FRMD1: variants seen among roughly 807,000 people sequenced by gnomAD.
FRMD1 encodes FERM domain-containing protein 1.
A neutral mutation model predicts 54.9 loss-of-function variants in FRMD1; 51 were observed. The observed-to-expected ratio is 0.93, with a 90% confidence interval of 0.74 to 1.17. FRMD1 has a LOEUF of 1.17. FRMD1 is among the 50% of genes most tolerant of loss of function. The pLI is 0.00. For missense variants in FRMD1, 729 were observed against 743.0 expected (o/e 0.98, Z 0.22); for synonymous variants, 324 against 306.4 (o/e 1.06, Z -0.60).
intron 8 of FRMD1, 46 bp from the exon 9 acceptor site, chr6:168,061,103 A>C (rs1799707576): frequency 6.4e-7 from 1 of 1,559,466 alleles, no homozygotes; most frequent in African/African-American, 1.4e-5. Context: ...GAGAGGGACC[A>C]GCCCTGCTGA....
Position 168,057,121 on chromosome 6 carries a change from A to G in FRMD1, c.1626T>C (p.Ala542=), listed in dbSNP as rs3734898. The change falls in exon 11 of 11, where the codon GCT becomes GCC. Residue 542 remains alanine, a synonymous_variant. Coordinates refer to ENST00000283309, the MANE Select transcript of FRMD1 (RefSeq NM_024919.6). ...CCTACACCACAAACTCCTGTGGTGG[A>G]GCCTCTCCGAACAGGTCCAGGGCGA... ...NCLALDLFGE[A]PPQEFVV is the part of the protein sequence containing the mutation. 1,337,609 of 1,494,010 alleles carry G rather than the reference A, an allele frequency of 0.9. 599,501 individuals are homozygous for G. The highest frequency in any genetic ancestry group is 0.91 in the Non-Finnish European group (1,015,051 of 1,117,906). 92.5% of individuals were successfully genotyped at this position (1,494,010 alleles called of 1,614,324 possible). A position where few individuals can be genotyped will look rare whatever the true frequency, so the allele number is the denominator to read the frequency against.
At position 168,057,130 on chromosome 6, in the gene FRMD1, G is replaced by A. The variant is rs1288714841; in HGVS notation, c.1617C>T (p.Phe539=). 8 of 1,515,872 alleles carry A rather than the reference G, an allele frequency of 5.3e-6. No homozygotes were observed. Among genetic ancestry groups the A allele is most frequent in the East Asian group, 2.4e-5 (1 of 41,632 alleles). 93.9% of individuals were successfully genotyped at this position (1,515,872 alleles called of 1,614,324 possible). A position where few individuals can be genotyped will look rare whatever the true frequency, so the allele number is the denominator to read the frequency against. The change falls in exon 11 of 11, where the codon TTC becomes TTT. Residue 539 remains phenylalanine, a synonymous_variant. Coordinates refer to ENST00000283309, the MANE Select transcript of FRMD1 (RefSeq NM_024919.6). The part of the protein sequence containing the change: ...RSSNCLALDL[F]GEAPPQEFVV The stretch of plus-strand genomic sequence containing the variant: ...CAAACTCCTGTGGTGGAGCCTCTCC[G>A]AACAGGTCCAGGGCGAGACAGTTGC...
chr6:168,072,161 C>T (rs942316802), intron 2 of FRMD1, among the ~76,000 whole-genome samples: 2 of 152,240 alleles, frequency 1.3e-5, no homozygotes, highest in African/African-American at 4.8e-5. Flanking sequence ...CACCGGGAAC[C>T]TGCCCCGCCT....
chr6:168,075,440 C>A, intron 1 of FRMD1, 105 bp from the exon 2 acceptor site: 2 of 852,078 alleles, frequency 2.3e-6, no homozygotes, highest in South Asian at 2.7e-5. Flanking sequence ...ACGACCCAGT[C>A]AGGCATCCCC....
chr6:168,080,761 G>C (rs1008896582), upstream of FRMD1, among the ~76,000 whole-genome samples: 1 of 152,102 alleles, frequency 6.6e-6, no homozygotes, highest in Non-Finnish European at 1.5e-5. Context: ...GAGTTGTGCT[G>C]GGTGCACTAA....
Position 168,063,721 on chromosome 6 carries a change from C to CCGGA in FRMD1, c.680_683dup (p.His229ProfsTer9). The CCGGA allele has an allele frequency of 5.0e-6, 8 of 1,613,460 alleles. No individual in the cohort carries two copies. Among genetic ancestry groups the CCGGA allele is most frequent in the Non-Finnish European group, 6.8e-6 (8 of 1,179,626 alleles). On this transcript the variant is annotated frameshift_variant, in exon 6 of 11. Coordinates refer to ENST00000283309, the MANE Select transcript of FRMD1 (RefSeq NM_024919.6). LOFTEE classifies it high-confidence loss of function. ...GCTCACGGTGCAGGGTAGGCATGTG[C>CCGGA]CGGAGGATGTAGTCAATCCCCCTCT...
At chr6:168,058,185 T>C (rs1799514525) in intron 10 of FRMD1, among the ~76,000 whole-genome samples, 1 of 146,262 alleles carries the variant, frequency 6.8e-6, no homozygotes, top group Non-Finnish European at 1.5e-5. Context: ...CCCAGCCCTG[T>C]TCTCTCTCCA....
Position 168,067,339 on chromosome 6 carries a change from C to T in FRMD1, c.384+28G>A, listed in dbSNP as rs774860651. 6 of 1,460,494 alleles carry T rather than the reference C, an allele frequency of 4.1e-6. No individual in the cohort carries two copies. The African/African-American group carries it at 8.4e-5, about 20-fold the overall frequency. 90.5% of individuals were successfully genotyped at this position (1,460,494 alleles called of 1,614,324 possible). Reference sequence around the variant, plus strand: ...CAGCACAGCCCACCGCGGTGCCTGCCCTCTCCCACCCGACACTCTACACTT... The same window carrying T: ...CAGCACAGCCCACCGCGGTGCCTGCTCTCTCCCACCCGACACTCTACACTT... On this transcript the variant is annotated intron_variant, in intron 3 of 10. Coordinates refer to ENST00000283309, the MANE Select transcript of FRMD1 (RefSeq NM_024919.6).
upstream of FRMD1, among the ~76,000 whole-genome samples, chr6:168,086,254 TCCCCAGCATGGACAC>T (rs1485299067): frequency 0.016 from 2,421 of 148,974 alleles, 60 homozygotes; most frequent in African/African-American, 0.058. Flanking sequence ...GACACCCGCG[TCCCCAGCATGGACAC>T]CCGCGTCCCC....
intron 4 of FRMD1, chr6:168,065,293 G>A: frequency 7.7e-7 from 1 of 1,306,664 alleles, no homozygotes; most frequent in Non-Finnish European, 9.7e-7. Context: ...CACTAGATGA[G>A]GCTCCACCTG....
At position 168,059,312 on chromosome 6, in the gene FRMD1, GC is replaced by G. The variant is rs1799595494; in HGVS notation, c.1343-125del. 1.3e-6 allele frequency: 1 copy of G among 751,346 alleles called. No individual in the cohort carries two copies. The highest frequency in any genetic ancestry group is 1.7e-5 in the South Asian group (1 of 57,604). The allele number at this position is 751,346 out of a possible 1,614,324, so 46.5% of individuals were successfully genotyped here. The stretch of plus-strand genomic sequence containing the variant: ...ACCGGCATCTCCTGAGGCTCACACC[GC>G]CCCCTTGCTCTCAGTGCGGTGACTG... On this transcript the variant is annotated intron_variant, in intron 9 of 10. Coordinates refer to ENST00000283309, the MANE Select transcript of FRMD1 (RefSeq NM_024919.6). This position sits in a 1 kb window ranked among gnomAD's most constrained non-coding sequence, Gnocchi z 4.4.
upstream of FRMD1, among the ~76,000 whole-genome samples, chr6:168,084,678 C>T (rs1800889348): frequency 6.6e-6 from 1 of 152,280 alleles, no homozygotes; most frequent in African/African-American, 2.4e-5. Context: ...GCCCCGCTGG[C>T]TCAAACTCAC....
chr6:168,074,322 C>A (rs1800453001), intron 2 of FRMD1, among the ~76,000 whole-genome samples: 1 of 152,190 alleles, frequency 6.6e-6, no homozygotes, highest in Non-Finnish European at 1.5e-5. Context: ...CCAGAAGCCC[C>A]TGGAGCCAAC....
chr6:168,085,830 T>C (rs1398452846), upstream of FRMD1, among the ~76,000 whole-genome samples: 1 of 151,910 alleles, frequency 6.6e-6, no homozygotes, highest in Non-Finnish European at 1.5e-5. Context: ...AGCCATAGCA[T>C]CCAAAGCCTT....
rs1799354614 is a variant in FRMD1 at position 168,055,041 on chromosome 6, A to T, written c.*2056T>A. ...TTGGAGCAGCCCTACCCGGTAGTTA[A>T]CAGGCATCTGGCATAATTCTCCATG... On this transcript the variant is annotated 3_prime_UTR_variant, in exon 11 of 11. Transcript: ENST00000283309. 1 of 152,254 alleles carries T rather than the reference A, an allele frequency of 6.6e-6. No individual in the cohort carries two copies. The allele number at this position is 152,254 out of a possible 1,614,324, so 9.4% of individuals were successfully genotyped here.
At chr6:168,089,809 C>T (rs1045693637) in intron 1 of FRMD1, among the ~76,000 whole-genome samples, 14 of 152,166 alleles carry the variant, frequency 9.2e-5, no homozygotes, top group African/African-American at 2.9e-4. Flanking sequence ...CTAAAATCAG[C>T]GGGAAGCCGG....
intron 1 of FRMD1, chr6:168,092,941 T>C (rs1801038173): frequency 6.6e-6 from 1 of 152,140 alleles, no homozygotes; most frequent in Non-Finnish European, 1.5e-5. Context: ...AATGGGTACT[T>C]TATAAAGGAA....
At position 168,065,002 on chromosome 6, in the gene FRMD1, AC is replaced by A; in HGVS notation, c.516del (p.Arg172SerfsTer69). The A allele has an allele frequency of 6.2e-7, 1 of 1,611,758 alleles. No individual in the cohort carries two copies. On this transcript the variant is annotated frameshift_variant, in exon 5 of 11. Coordinates refer to ENST00000283309, the MANE Select transcript of FRMD1 (RefSeq NM_024919.6). LOFTEE classifies it high-confidence loss of function. ...GCTTCCTCCCGGTGAGCGCACTGTG[AC>A]CTCAGCACGCGCTCCTTCAAGTGGC... is the stretch of plus-strand genomic sequence containing the variant. ...YYCHLKERVLRSQCAHREEAY... is the reference protein window; with the variant it reads ...YYCHLKERVLXSQCAHREEAY...
chr6:168,080,361 T>C (rs1414882177), upstream of FRMD1, among the ~76,000 whole-genome samples: 2 of 152,132 alleles, frequency 1.3e-5, no homozygotes, highest in Non-Finnish European at 2.9e-5. Flanking sequence ...GCGGTCTCTT[T>C]TCTCTCCACA....
Sources: gnomAD v4.1 joint callset for allele counts (sites outside exome capture counted in the v4.1 genomes callset) on GRCh38, gnomAD v4.1.1 for gene constraint, Gnocchi (gnomAD v3.1) non-coding constraint, MANE v1.5 for transcripts, NCBI Gene and HGNC (gene_info 2026-07-23, HGNC 2026-07-21) for gene names.